The following MARCHF8 variants were observed in gnomAD, a reference collection of about 807,000 sequenced individuals.
The protein encoded by MARCHF8 is membrane associated ring-CH-type finger 8.
In MARCHF8, 40 loss-of-function variants were observed where a neutral mutation model predicts 51.6. The ratio of observed to expected loss-of-function variants is 0.77; its 90% CI spans 0.60 to 1.01. The LOEUF is 1.01. Among genes scored for constraint, MARCHF8 ranks in the 50% least tolerant of loss-of-function variants. MARCHF8 has a pLI of 0.00. For missense variants in MARCHF8, 685 were observed against 708.6 expected (o/e 0.97, Z 0.38); for synonymous variants, 263 against 280.3 (o/e 0.94, Z 0.62).
At chr10:45,512,660 C>A (rs2043547260) in intron 2 of MARCHF8, among the ~76,000 whole-genome samples, 1 of 151,646 alleles carries the variant, frequency 6.6e-6, no homozygotes, top group Non-Finnish European at 1.5e-5. Context: ...GGCGCCTCTG[C>A]CCGGCCGTCC....
chr10:45,459,293 G>T (rs781700601), intron 6 of MARCHF8, 26 bp from the exon 7 acceptor site: 41 of 1,610,210 alleles, frequency 2.5e-5, no homozygotes, highest in Non-Finnish European at 3.2e-5. Context: ...AGAGTGTGAG[G>T]CTCAGGCTTC....
intron 2 of MARCHF8, among the ~76,000 whole-genome samples, chr10:45,530,863 A>G (rs1564504554): frequency 6.6e-6 from 1 of 152,204 alleles, no homozygotes; most frequent in African/African-American, 2.4e-5. Flanking sequence ...ACATGCCAAC[A>G]ATGACAGAAA....
intron 2 of MARCHF8, among the ~76,000 whole-genome samples, chr10:45,511,802 G>T (rs1196197035): frequency 2.6e-5 from 4 of 152,094 alleles, no homozygotes; most frequent in Admixed American, 6.5e-5. Context: ...CCAAAGTGCC[G>T]AGATTGCAGC....
chr10:45,543,247 A>G (rs1476159739), intron 1 of MARCHF8, among the ~76,000 whole-genome samples: 1 of 152,174 alleles, frequency 6.6e-6, no homozygotes, highest in Non-Finnish European at 1.5e-5. Flanking sequence ...CCCCTATAGC[A>G]TGACATTGTA....
chr10:45,474,004 TC>T (rs1457370849), intron 3 of MARCHF8, among the ~76,000 whole-genome samples: 1 of 152,192 alleles, frequency 6.6e-6, no homozygotes, highest in African/African-American at 2.4e-5. Context: ...CAACTTGGGT[TC>T]CCTGTAATTC....
chr10:45,464,038 C>A, intron 4 of MARCHF8, 42 bp from the exon 5 acceptor site: 1 of 1,506,646 alleles, frequency 6.6e-7, no homozygotes, highest in Non-Finnish European at 8.8e-7. Context: ...AAAGTAAAAA[C>A]AATTTTAAAA....
In MARCHF8 at chr10:45,489,517, G is replaced by GA. The variant is rs1486275050; in HGVS notation, c.103-101dup. 3.6e-6 allele frequency: 4 copies of GA among 1,123,740 alleles called. No homozygotes were observed. The African/African-American group carries it at 6.2e-5, about 17-fold the overall frequency. The allele number at this position is 1,123,740 out of a possible 1,614,324, so 69.6% of individuals were successfully genotyped here. A position where few individuals can be genotyped will look rare whatever the true frequency, so the allele number is the denominator to read the frequency against. ...CAACCCTACTGACAAATCATTCCCTGAACTAGAATTTGCAAAGCACAACCT... is the reference window on the plus strand; with the variant it reads ...CAACCCTACTGACAAATCATTCCCTGAAACTAGAATTTGCAAAGCACAACCT... On this transcript the variant is annotated intron_variant, in intron 2 of 7. Transcript: ENST00000453424.
At chr10:45,499,308 T>C (rs1412015043) in intron 2 of MARCHF8, among the ~76,000 whole-genome samples, 3 of 152,228 alleles carry the variant, frequency 2.0e-5, no homozygotes, top group Admixed American at 6.5e-5. Flanking sequence ...TGTTGAGATG[T>C]AGGAGTTCTT....
At chr10:45,492,498 T>C (rs888210715) in intron 2 of MARCHF8, among the ~76,000 whole-genome samples, 2 of 152,068 alleles carry the variant, frequency 1.3e-5, no homozygotes. Context: ...GGGGTTTCAC[T>C]GTGTTAGCCA....
chr10:45,468,751 T>C (rs775454612), intron 3 of MARCHF8, among the ~76,000 whole-genome samples: 3 of 152,218 alleles, frequency 2.0e-5, no homozygotes, highest in Non-Finnish European at 4.4e-5. Context: ...AAAAGATGCT[T>C]CATTTCTCTC....
At chr10:45,505,414 T>C (rs1392878332) in intron 2 of MARCHF8, among the ~76,000 whole-genome samples, 1 of 152,242 alleles carries the variant, frequency 6.6e-6, no homozygotes, top group Non-Finnish European at 1.5e-5. Flanking sequence ...CCAGTTGCTA[T>C]CGCCAAATTC....
At chr10:45,582,383 T>A (rs1173635549) in intron 1 of MARCHF8, among the ~76,000 whole-genome samples, 3 of 152,188 alleles carry the variant, frequency 2.0e-5, no homozygotes, top group African/African-American at 7.2e-5. Flanking sequence ...CAAGTTTCCA[T>A]ATTATCTTGT....
chr10:45,580,258 A>G (rs1309678872), intron 1 of MARCHF8, among the ~76,000 whole-genome samples: 5 of 152,206 alleles, frequency 3.3e-5, no homozygotes, highest in African/African-American at 7.2e-5. Context: ...GACATAATAA[A>G]TGTTAAGAGA....
intron 3 of MARCHF8, among the ~76,000 whole-genome samples, chr10:45,488,553 T>C (rs1395720263): frequency 6.6e-6 from 1 of 152,106 alleles, no homozygotes; most frequent in Admixed American, 6.5e-5. Flanking sequence ...AAACCGTTCA[T>C]CATGAATGCA....
At chr10:45,557,060 T>C (rs550951453) in intron 1 of MARCHF8, among the ~76,000 whole-genome samples, 10 of 151,612 alleles carry the variant, frequency 6.6e-5, no homozygotes, top group Non-Finnish European at 1.2e-4. Context: ...ATATCCAGAA[T>C]TTTTTCATCT....
At chr10:45,588,998 C>CAA (rs72350925) in intron 1 of MARCHF8, among the ~76,000 whole-genome samples, 1,729 of 87,550 alleles carry the variant, frequency 0.02, 37 homozygotes, top group Non-Finnish European at 0.027. Flanking sequence ...GACTACGTTT[C>CAA]AAAAAAAAAA....
At chr10:45,529,018 G>A (rs1438172705) in intron 2 of MARCHF8, among the ~76,000 whole-genome samples, 1 of 152,080 alleles carries the variant, frequency 6.6e-6, no homozygotes, top group East Asian at 1.9e-4. Context: ...CCAAAGCAAT[G>A]GTAAGCAAAA....
intron 2 of MARCHF8, among the ~76,000 whole-genome samples, chr10:45,526,527 C>CCAA: frequency 6.6e-6 from 1 of 152,240 alleles, no homozygotes; most frequent in East Asian, 1.9e-4. Context: ...CTGCTACCAG[C>CCAA]CAACAAGCCA....
chr10:45,542,279 G>A (rs1162048456), intron 1 of MARCHF8, among the ~76,000 whole-genome samples: 6 of 143,454 alleles, frequency 4.2e-5, no homozygotes, highest in African/African-American at 5.2e-5. Context: ...CCTGGGAGGC[G>A]AAGCTTGTAG....
Sources: gnomAD v4.1 joint callset for allele counts (sites outside exome capture counted in the v4.1 genomes callset) on GRCh38, gnomAD v4.1.1 for gene constraint, MANE v1.5 for transcripts, NCBI Gene and HGNC (gene_info 2026-07-23, HGNC 2026-07-21) for gene names.